CUX1: variants seen among roughly 807,000 people sequenced by gnomAD.
The protein encoded by CUX1 is cut like homeobox 1, also known as protein CASP.
Under a neutral mutation model 158.8 loss-of-function variants are expected in CUX1, and 31 were observed. That is an observed-to-expected ratio of 0.20 (90% CI 0.15 to 0.26). The LOEUF (loss-of-function observed/expected upper bound fraction) is 0.26, where lower values mean the gene tolerates loss of function less well. Among genes scored for constraint, CUX1 ranks in the 10% least tolerant of loss-of-function variants. The probability of loss-of-function intolerance (pLI) is 1.00; values close to 1 mark genes in which losing one functional copy is unlikely to be tolerated. For synonymous variants in CUX1, 879 were observed against 862.1 expected, an observed-to-expected ratio of 1.02 and a Z score of -0.34; for missense variants, 1,589 against 2,014.6, an observed-to-expected ratio of 0.79 and a Z score of 4.04.
chr7:101,937,100 T>C (rs1190084416), intron 2 of CUX1, among the ~76,000 whole-genome samples: 1 of 152,030 alleles, frequency 6.6e-6, no homozygotes, highest in African/African-American at 2.4e-5. Flanking sequence ...AGATGCTGAT[T>C]GAGGATGTGT....
downstream of CUX1, among the ~76,000 whole-genome samples, chr7:102,260,781 C>T (rs926760176): frequency 1.3e-5 from 2 of 152,042 alleles, no homozygotes; most frequent in African/African-American, 2.4e-5. Context: ...GGTGGCGCGA[C>T]GTGATGATGA....
chr7:102,224,512 G>T (rs1798155071), intron 20 of CUX1, among the ~76,000 whole-genome samples: 1 of 152,182 alleles, frequency 6.6e-6, no homozygotes, highest in Non-Finnish European at 1.5e-5. Flanking sequence ...TGGAGAGACA[G>T]ATACAAGCCA....
chr7:101,881,685 A>G (rs887583661), intron 1 of CUX1, among the ~76,000 whole-genome samples: 1 of 152,206 alleles, frequency 6.6e-6, no homozygotes, highest in Non-Finnish European at 1.5e-5. Flanking sequence ...GCGATTTGAC[A>G]GCACCTGTTA....
chr7:102,068,792 A>G (rs1441855874), intron 3 of CUX1, among the ~76,000 whole-genome samples: 2 of 152,212 alleles, frequency 1.3e-5, no homozygotes, highest in Admixed American at 1.3e-4. Flanking sequence ...TGACATTGGT[A>G]CATGTGCAGT....
intron 6 of CUX1, among the ~76,000 whole-genome samples, chr7:102,108,475 G>T (rs1554489190): frequency 6.6e-6 from 1 of 152,008 alleles, no homozygotes; most frequent in Non-Finnish European, 1.5e-5. Flanking sequence ...CTCCTGAGTA[G>T]CTGGGATTAC....
chr7:101,910,396 T>A (rs924260954), intron 1 of CUX1, among the ~76,000 whole-genome samples: 2 of 152,104 alleles, frequency 1.3e-5, no homozygotes, highest in African/African-American at 4.8e-5. Flanking sequence ...TCTGCCTGCC[T>A]AGACCTCCCA....
intron 8 of CUX1, among the ~76,000 whole-genome samples, chr7:102,123,671 T>G (rs1225431139): frequency 6.6e-6 from 1 of 151,902 alleles, no homozygotes; most frequent in African/African-American, 2.4e-5. Flanking sequence ...TTTTTTTATT[T>G]ATTGATTTTG....
At chr7:101,961,528 C>T (rs1438710611) in intron 2 of CUX1, 1 of 152,094 alleles carries the variant, frequency 6.6e-6, no homozygotes, top group Non-Finnish European at 1.5e-5. Flanking sequence ...TAGAACAAAG[C>T]AGTATATTTT....
chr7:102,143,314 G>C (rs1180650757), intron 8 of CUX1, among the ~76,000 whole-genome samples: 2 of 152,130 alleles, frequency 1.3e-5, no homozygotes, highest in Non-Finnish European at 2.9e-5. Context: ...TGTCACCCAA[G>C]CTGGAGCACA....
In CUX1 at chr7:102,204,536, A is replaced by G; in HGVS notation, c.3053A>G (p.Gln1018Arg). Residue 1018 changes from glutamine to arginine, a missense_variant, in exon 19 of 24, where the codon CAG (glutamine) becomes CGG (arginine). This residue lies in a region of CUX1 where 259 missense variants were observed against 373.8 expected (regional missense o/e 0.69). Transcript: ENST00000292535. ...CTAGGCCAGGGTGTTCTACCCGTCC[A>G]GGGCCAGCAGCAAGGGCCAGGTAAT... The part of the protein sequence containing the change: ...GELGQGVLPV[Q>R]GQQQGPVLHS... The G allele has an allele frequency of 6.2e-7, 1 of 1,613,406 alleles. No homozygotes were observed. The highest frequency in any genetic ancestry group is 2.2e-5 in the East Asian group (1 of 44,880).
chr7:101,828,304 A>T (rs1793612380), intron 1 of CUX1, among the ~76,000 whole-genome samples: 1 of 152,114 alleles, frequency 6.6e-6, no homozygotes, highest in African/African-American at 2.4e-5. Flanking sequence ...GAAAAAAAAA[A>T]ATCTGCGTGT....
rs191001638 is a variant in CUX1 at position 101,968,096 on chromosome 7, G to T, written c.141+51871G>T. 1.5e-3 allele frequency among the ~76,000 whole-genome samples: 234 copies of T among 152,222 alleles called. 1 individual carries two copies. Among genetic ancestry groups the T allele is most frequent in the African/African-American group, 5.5e-3 (229 of 41,538 alleles). ...TTTGTTAAAATTTTTGTACAGAGGA[G>T]GTCTCCCTGCATTGCCCAGGCTGGT... On this transcript the variant is annotated intron_variant, in intron 2 of 23. Transcript: ENST00000292535.
chr7:101,821,893 GGCC>G (rs1792672803), intron 1 of CUX1, among the ~76,000 whole-genome samples: 1 of 105,582 alleles, frequency 9.5e-6, no homozygotes, highest in Non-Finnish European at 1.9e-5. Context: ...CTGGTTCTGT[GGCC>G]CAGGCTGGAG....
At chr7:101,923,385 AGAG>A (rs1805198820) in intron 2 of CUX1, among the ~76,000 whole-genome samples, 2 of 152,174 alleles carry the variant, frequency 1.3e-5, no homozygotes, top group Non-Finnish European at 2.9e-5. Context: ...GGGAGAAAAG[AGAG>A]GAGGAGAACC....
chr7:101,841,636 C>A (rs1037637771), intron 1 of CUX1, among the ~76,000 whole-genome samples: 4 of 152,124 alleles, frequency 2.6e-5, no homozygotes, highest in Non-Finnish European at 5.9e-5. Context: ...TGGCTCACTG[C>A]AGCCTCTGCC....
intron 3 of CUX1, among the ~76,000 whole-genome samples, chr7:102,040,473 T>C (rs577020276): frequency 6.6e-5 from 10 of 152,178 alleles, no homozygotes; most frequent in Non-Finnish European, 1.0e-4. Flanking sequence ...AGTCTCTTTG[T>C]AGGGACCCTT....
Position 102,201,952 on chromosome 7 carries a change from T to A in CUX1, c.2655T>A (p.Ala885=). The change falls in exon 18 of 24, where the codon GCT becomes GCA. Residue 885 remains alanine, a synonymous_variant. Coordinates refer to ENST00000292535, the MANE Select transcript of CUX1 (RefSeq NM_181552.4). The surrounding 1 kb of genome is among the most constrained non-coding windows in gnomAD (Gnocchi z 5.0). Reference sequence around the variant, plus strand: ...AGTACTGGAAGGAGTGGCCCAGCGCTGAGTCCCCATACTCCCAGAGCTCAG... The same window carrying A: ...AGTACTGGAAGGAGTGGCCCAGCGCAGAGTCCCCATACTCCCAGAGCTCAG... ...SSEYWKEWPS[A]ESPYSQSSEL... The A allele has an allele frequency of 6.2e-7, 1 of 1,614,010 alleles. No individual in the cohort carries two copies. Among genetic ancestry groups the A allele is most frequent in the Non-Finnish European group, 8.5e-7 (1 of 1,180,008 alleles).
intron 1 of CUX1, among the ~76,000 whole-genome samples, chr7:101,874,565 C>T (rs1379865701): frequency 2.0e-5 from 3 of 152,182 alleles, no homozygotes; most frequent in Admixed American, 6.5e-5. Flanking sequence ...ATTCTCAGGA[C>T]GTTTCTGCGA....
chr7:102,154,601 C>CAAATAAAT (rs56874742), intron 8 of CUX1: 14,326 of 148,702 alleles, frequency 0.096, 1,132 homozygotes, highest in African/African-American at 0.21. Flanking sequence ...AGCTTGTCTC[C>CAAATAAAT]AAATAAATAA....
Sources: gnomAD v4.1 joint callset for allele counts (sites outside exome capture counted in the v4.1 genomes callset) on GRCh38, gnomAD v4.1.1 for gene constraint, gnomAD v4.1.1 regional missense constraint, Gnocchi (gnomAD v3.1) non-coding constraint, MANE v1.5 for transcripts, NCBI Gene and HGNC (gene_info 2026-07-23, HGNC 2026-07-21) for gene names.